SEMA6D: variants seen among roughly 807,000 people sequenced by gnomAD.
SEMA6D encodes semaphorin-6D.
SEMA6D carries 35 observed loss-of-function variants against 106.6 expected under a neutral mutation model. The observed-to-expected ratio is 0.33, with a 90% CI of 0.25 to 0.44. The LOEUF (loss-of-function observed/expected upper bound fraction) is 0.44, where lower values mean the gene tolerates loss of function less well. Ranked by LOEUF, SEMA6D falls within the 20% of genes least tolerant of loss-of-function variation. The pLI is 1.00. For synonymous variants in SEMA6D, 499 were observed against 487.7 expected (o/e 1.02, Z -0.31); for missense variants, 1,185 against 1,345.9 (o/e 0.88, Z 1.87).
intron 1 of SEMA6D, among the ~76,000 whole-genome samples, chr15:47,748,647 C>T (rs759887203): frequency 6.6e-6 from 1 of 152,106 alleles, no homozygotes; most frequent in Admixed American, 6.5e-5. Context: ...GAAAGAATAG[C>T]GTGTGCAGAA....
At chr15:47,269,449 A>C (rs1220065022) in intron 1 of SEMA6D, among the ~76,000 whole-genome samples, 1 of 152,138 alleles carries the variant, frequency 6.6e-6, no homozygotes, top group Non-Finnish European at 1.5e-5. Flanking sequence ...AAGCAAAGCA[A>C]ATTTTATTAC....
chr15:47,201,574 A>G (rs144982238), intron 1 of SEMA6D, among the ~76,000 whole-genome samples: 494 of 152,230 alleles, frequency 3.2e-3, no homozygotes, highest in African/African-American at 0.012. Flanking sequence ...TGGTTTTGAG[A>G]CAGAGTAGGG....
At chr15:47,638,763 G>A (rs1440842717) in intron 4 of SEMA6D, among the ~76,000 whole-genome samples, 3 of 152,130 alleles carry the variant, frequency 2.0e-5, no homozygotes, top group Non-Finnish European at 2.9e-5. Context: ...CGCATTTCTC[G>A]CTTTTGTCTA....
chr15:47,439,366 C>T (rs1451561487), intron 2 of SEMA6D, among the ~76,000 whole-genome samples: 1 of 152,092 alleles, frequency 6.6e-6, no homozygotes, highest in African/African-American at 2.4e-5. Context: ...AGATCAGGCC[C>T]TTAGAAGTCT....
chr15:47,337,258 G>A (rs1208349178), intron 1 of SEMA6D, among the ~76,000 whole-genome samples: 2 of 152,146 alleles, frequency 1.3e-5, no homozygotes, highest in Non-Finnish European at 2.9e-5. Context: ...TGCAGAGATG[G>A]GTTGAATCTA....
chr15:47,334,077 G>A (rs984248069), intron 1 of SEMA6D, among the ~76,000 whole-genome samples: 4 of 152,102 alleles, frequency 2.6e-5, no homozygotes, highest in Non-Finnish European at 4.4e-5. Flanking sequence ...ACATTTCTAC[G>A]TGGTTGTCAA....
intron 1 of SEMA6D, among the ~76,000 whole-genome samples, chr15:47,758,660 A>G (rs1358074240): frequency 6.6e-6 from 1 of 152,192 alleles, no homozygotes; most frequent in Non-Finnish European, 1.5e-5. Flanking sequence ...TTAATGTACA[A>G]TTTGATTAAA....
intron 2 of SEMA6D, among the ~76,000 whole-genome samples, chr15:47,444,697 T>A (rs2041977283): frequency 6.6e-6 from 1 of 152,062 alleles, no homozygotes; most frequent in Non-Finnish European, 1.5e-5. Context: ...CTTACAGGAA[T>A]GGGAACACAC....
chr15:47,707,306 A>C (rs1457746914), intron 4 of SEMA6D, among the ~76,000 whole-genome samples: 1 of 146,958 alleles, frequency 6.8e-6, no homozygotes, highest in Non-Finnish European at 1.5e-5. Context: ...TGGTTAAGTA[A>C]ATTGATTTGG....
intron 4 of SEMA6D, among the ~76,000 whole-genome samples, chr15:47,671,874 C>G (rs1404760139): frequency 6.6e-6 from 1 of 152,166 alleles, no homozygotes; most frequent in Admixed American, 6.6e-5. Context: ...TAAGGACATT[C>G]TGCTTTGTGG....
chr15:47,513,352 C>G (rs2044290014), intron 3 of SEMA6D, among the ~76,000 whole-genome samples: 2 of 152,144 alleles, frequency 1.3e-5, no homozygotes, highest in Admixed American at 6.6e-5. Flanking sequence ...TATATATACT[C>G]TGGCTGATTT....
chr15:47,768,237 G>A (rs2082447259), intron 17 of SEMA6D, among the ~76,000 whole-genome samples: 1 of 152,138 alleles, frequency 6.6e-6, no homozygotes, highest in Non-Finnish European at 1.5e-5. Context: ...AAAAAGAAAT[G>A]AAATGATGTC....
chr15:47,379,352 A>C (rs192287006), intron 1 of SEMA6D, among the ~76,000 whole-genome samples: 126 of 152,342 alleles, frequency 8.3e-4, no homozygotes, highest in Non-Finnish European at 1.4e-3. Context: ...GTCAGTAAAG[A>C]TACATCGAGT....
intron 1 of SEMA6D, among the ~76,000 whole-genome samples, chr15:47,403,693 G>A (rs942545634): frequency 5.3e-5 from 8 of 152,180 alleles, no homozygotes; most frequent in African/African-American, 9.6e-5. Flanking sequence ...TGGGGATGGG[G>A]AGAGGTTAGG....
At chr15:47,751,148 C>G (rs1010832598) in intron 1 of SEMA6D, among the ~76,000 whole-genome samples, 1 of 152,144 alleles carries the variant, frequency 6.6e-6, no homozygotes, top group Non-Finnish European at 1.5e-5. Context: ...TATTCCAAAG[C>G]TTGTGGTGTC....
At chr15:47,554,324 G>A (rs1478494367) in intron 3 of SEMA6D, among the ~76,000 whole-genome samples, 1 of 152,194 alleles carries the variant, frequency 6.6e-6, no homozygotes, top group Non-Finnish European at 1.5e-5. Flanking sequence ...TCAGAACACT[G>A]TAGCTGCTTA....
At chr15:47,703,219 T>C (rs2078848598) in intron 4 of SEMA6D, among the ~76,000 whole-genome samples, 1 of 152,204 alleles carries the variant, frequency 6.6e-6, no homozygotes, top group South Asian at 2.1e-4. Context: ...TTAATGTTAC[T>C]CGAGCTAGCC....
At chr15:47,278,183 G>A (rs1469011842) in intron 1 of SEMA6D, among the ~76,000 whole-genome samples, 1 of 152,116 alleles carries the variant, frequency 6.6e-6, no homozygotes, top group Non-Finnish European at 1.5e-5. Flanking sequence ...CTGAGGAATT[G>A]CCACACTGAC....
intron 3 of SEMA6D, among the ~76,000 whole-genome samples, chr15:47,470,761 GTATTAT>G (rs922519340): frequency 6.9e-6 from 1 of 144,680 alleles, no homozygotes; most frequent in Non-Finnish European, 1.5e-5. Flanking sequence ...CAAACTACAA[GTATTAT>G]TATTATTATC....
Sources: allele counts gnomAD v4.1 joint callset (sites outside exome capture counted in the v4.1 genomes callset), GRCh38; gene constraint gnomAD v4.1.1; transcripts MANE v1.5; gene names NCBI Gene and HGNC (gene_info 2026-07-23, HGNC 2026-07-21).